RNF152: variants seen among roughly 807,000 people sequenced by gnomAD.
RNF152 encodes ring finger protein 152, also known as E3 ubiquitin-protein ligase RNF152.
A neutral mutation model predicts 12.7 loss-of-function variants in RNF152; 11 were observed. That is an observed-to-expected ratio of 0.86 (90% confidence interval 0.54 to 1.43). The LOEUF (loss-of-function observed/expected upper bound fraction) is 1.43, where lower values mean the gene tolerates loss of function less well. RNF152 is among the 40% of genes most tolerant of loss of function. The probability of loss-of-function intolerance (pLI) is 0.00; values close to 1 mark genes in which losing one functional copy is unlikely to be tolerated. For missense variants in RNF152, 255 were observed against 274.8 expected, an observed-to-expected ratio of 0.93 and a Z score of 0.51; for synonymous variants, 113 against 120.3, an observed-to-expected ratio of 0.94 and a Z score of 0.40.
At chr18:61,829,597 G>GGAGAGAGA (rs111850940) in intron 1 of RNF152, among the ~76,000 whole-genome samples, 6,785 of 142,102 alleles carry the variant, frequency 0.048, 227 homozygotes, top group South Asian at 0.067. Context: ...AGAGAGATAA[G>GGAGAGAGA]GAGAGAGAGA....
At chr18:61,856,822 TG>T (rs1290637982) in intron 1 of RNF152, among the ~76,000 whole-genome samples, 4 of 152,138 alleles carry the variant, frequency 2.6e-5, no homozygotes, top group Non-Finnish European at 2.9e-5. Flanking sequence ...CTCACTGAAG[TG>T]GGAGAGCCCA....
Position 61,814,414 on chromosome 18 carries a change from A to C in RNF152, c.*1438T>G, listed in dbSNP as rs530105731. The C allele has an allele frequency of 2.0e-5, 3 of 152,366 alleles. No individual in the cohort carries two copies. Among genetic ancestry groups the C allele is most frequent in the African/African-American group, 7.2e-5 (3 of 41,594 alleles). 9.4% of individuals were successfully genotyped at this position (152,366 alleles called of 1,614,324 possible). On this transcript the variant is annotated 3_prime_UTR_variant, in exon 2 of 2. Transcript: ENST00000312828. ...ATACCACTTGCTTCATGAATTCCAT[A>C]AAAGAAGTTAGATGAGAGCTGTAAA...
chr18:61,854,255 A>G (rs1292925966), intron 1 of RNF152, among the ~76,000 whole-genome samples: 2 of 152,190 alleles, frequency 1.3e-5, no homozygotes, highest in African/African-American at 4.8e-5. Context: ...TAAGGTTCAA[A>G]GGAACCAGAA....
intron 1 of RNF152, among the ~76,000 whole-genome samples, chr18:61,857,395 CAA>C (rs1490407242): frequency 1.3e-5 from 2 of 152,116 alleles, no homozygotes; most frequent in Non-Finnish European, 2.9e-5. Context: ...TAAAAGCTAT[CAA>C]ATATTTTGCC....
intron 1 of RNF152, among the ~76,000 whole-genome samples, chr18:61,887,843 C>T (rs1040039582): frequency 1.3e-5 from 2 of 152,052 alleles, no homozygotes; most frequent in Non-Finnish European, 2.9e-5. Context: ...AGAACTGAGC[C>T]GGGAAAGTTA....
intron 1 of RNF152, among the ~76,000 whole-genome samples, chr18:61,850,908 T>C (rs1428686604): frequency 1.3e-5 from 2 of 152,048 alleles, no homozygotes; most frequent in Non-Finnish European, 2.9e-5. Flanking sequence ...CCTGAATGGC[T>C]AGTGCAGCTC....
intron 1 of RNF152, among the ~76,000 whole-genome samples, chr18:61,856,290 C>T (rs1447679525): frequency 6.6e-6 from 1 of 152,128 alleles, no homozygotes; most frequent in African/African-American, 2.4e-5. Context: ...TGGAAAATGA[C>T]ACGGGGAAAT....
chr18:61,818,966 A>G (rs77227947), intron 1 of RNF152, among the ~76,000 whole-genome samples: 11,467 of 152,258 alleles, frequency 0.075, 532 homozygotes, highest in African/African-American at 0.12. Flanking sequence ...ATCAGGGGGA[A>G]TTTAGTGAAA....
intron 1 of RNF152, among the ~76,000 whole-genome samples, chr18:61,830,466 G>A (rs1244668258): frequency 6.6e-6 from 1 of 152,154 alleles, no homozygotes; most frequent in Non-Finnish European, 1.5e-5. Context: ...CCTCATAAGA[G>A]TGGGATTGTA....
intron 1 of RNF152, among the ~76,000 whole-genome samples, chr18:61,846,187 C>T (rs1407835473): frequency 6.6e-6 from 1 of 152,180 alleles, no homozygotes; most frequent in African/African-American, 2.4e-5. Flanking sequence ...GACAAAGATA[C>T]ACACTTCATA....
intron 1 of RNF152, chr18:61,874,950 CA>C (rs1424586310): frequency 2.0e-5 from 3 of 152,152 alleles, no homozygotes; most frequent in Non-Finnish European, 2.9e-5. Context: ...GCTTGAGATG[CA>C]AAGATGAACA....
intron 1 of RNF152, among the ~76,000 whole-genome samples, chr18:61,871,456 C>G (rs1466432116): frequency 1.3e-5 from 2 of 152,154 alleles, no homozygotes; most frequent in Non-Finnish European, 2.9e-5. Flanking sequence ...TATTACTGGT[C>G]TCATCTTAAA....
intron 1 of RNF152, among the ~76,000 whole-genome samples, chr18:61,860,170 AG>A (rs568426356): frequency 8.5e-5 from 13 of 152,318 alleles, no homozygotes; most frequent in African/African-American, 3.1e-4. Flanking sequence ...CATGGGTCTC[AG>A]AAGTGCATGG....
Position 61,816,246 on chromosome 18 carries a change from G to A in RNF152, c.218C>T (p.Pro73Leu), listed in dbSNP as rs778287132. The A allele has an allele frequency of 1.1e-5, 17 of 1,614,080 alleles. No individual in the cohort carries two copies. The highest frequency in any genetic ancestry group is 1.6e-4 in the Middle Eastern group (1 of 6,084). ...GFSVSQLPDDPEVLAVIAIPH... is the reference protein window; with the variant it reads ...GFSVSQLPDDLEVLAVIAIPH... ...AATGGCGATGACAGCCAGGACCTCC[G>A]GGTCGTCCGGGAGCTGCGACACGGA... Residue 73 changes from proline (P) to leucine (L), a missense_variant, in exon 2 of 2, where the codon CCG becomes CTG. Physicochemically the swap from Pro to Leu is moderately conservative, Grantham distance 98. Transcript: ENST00000312828.
intron 1 of RNF152, among the ~76,000 whole-genome samples, chr18:61,827,081 C>T (rs544294978): frequency 1.6e-4 from 24 of 152,234 alleles, no homozygotes; most frequent in African/African-American, 5.1e-4. Context: ...ATGATAGCTC[C>T]GGATTAAAGG....
At chr18:61,853,451 A>G (rs1911077578) in intron 1 of RNF152, among the ~76,000 whole-genome samples, 1 of 151,960 alleles carries the variant, frequency 6.6e-6, no homozygotes, top group Non-Finnish European at 1.5e-5. Flanking sequence ...CACCAGGCCC[A>G]GCTAATTTTT....
Position 61,856,616 on chromosome 18 carries a change from C to T in RNF152, c.-136+36179G>A, listed in dbSNP as rs570065978. 8.5e-5 allele frequency among the ~76,000 whole-genome samples: 13 copies of T among 152,262 alleles called. No individual in the cohort carries two copies. In the East Asian group the frequency reaches 1.7e-3, roughly 20 times the overall value. On this transcript the variant is annotated intron_variant, in intron 1 of 1. Coordinates refer to ENST00000312828, the MANE Select transcript of RNF152 (RefSeq NM_173557.3). ...ATAACTGGAGTGTTTAGATTTGATACCCCTTCTTTCTGCTGTCCTTACTCA... is the reference window on the plus strand; with the variant it reads ...ATAACTGGAGTGTTTAGATTTGATATCCCTTCTTTCTGCTGTCCTTACTCA...
chr18:61,886,337 G>A (rs1275018072), intron 1 of RNF152, among the ~76,000 whole-genome samples: 1 of 152,122 alleles, frequency 6.6e-6, no homozygotes, highest in East Asian at 1.9e-4. Context: ...CCCTTCCTGT[G>A]TACAAACACG....
At chr18:61,825,288 G>A (rs1308382722) in intron 1 of RNF152, among the ~76,000 whole-genome samples, 3 of 152,196 alleles carry the variant, frequency 2.0e-5, no homozygotes, top group Non-Finnish European at 4.4e-5. Context: ...CAGAGCACTG[G>A]AAGGAGACTC....
Sources: allele counts gnomAD v4.1 joint callset (sites outside exome capture counted in the v4.1 genomes callset), GRCh38; gene constraint gnomAD v4.1.1; transcripts MANE v1.5; gene names NCBI Gene and HGNC (gene_info 2026-07-23, HGNC 2026-07-21).